The following GALNT17 variants were observed in gnomAD, a reference collection of about 807,000 sequenced individuals.
GALNT17 encodes the protein UDP-GalNAc:polypeptide N-acetylgalactosaminyltransferase-like 3.
A neutral mutation model predicts 63.7 loss-of-function variants in GALNT17; 29 were observed. The ratio of observed to expected loss-of-function variants is 0.46; its 90% CI spans 0.34 to 0.62. GALNT17 has a LOEUF of 0.62. Among genes scored for constraint, GALNT17 ranks in the 20% least tolerant of loss-of-function variants. The pLI is 0.01. For missense variants in GALNT17, 603 were observed against 799.6 expected (o/e 0.75, Z 2.97); for synonymous variants, 305 against 318.3 (o/e 0.96, Z 0.45).
chr7:71,291,982 A>G (rs1790987523), intron 1 of GALNT17, among the ~76,000 whole-genome samples: 2 of 151,724 alleles, frequency 1.3e-5, no homozygotes, highest in Non-Finnish European at 1.5e-5. Flanking sequence ...TTTATTTTTC[A>G]TGGTTTAATA....
chr7:71,649,235 G>GT (rs561455836), intron 6 of GALNT17, among the ~76,000 whole-genome samples: 11 of 152,166 alleles, frequency 7.2e-5, no homozygotes, highest in Non-Finnish European at 1.6e-4. Flanking sequence ...CCAGATCCAA[G>GT]TTTTGTGACC....
intron 2 of GALNT17, among the ~76,000 whole-genome samples, chr7:71,375,091 C>T (rs577111776): frequency 8.5e-5 from 13 of 152,088 alleles, no homozygotes; most frequent in East Asian, 5.9e-4. Flanking sequence ...CCACCCACCT[C>T]GGCCTCCCAA....
At chr7:71,471,114 A>G (rs540482282) in intron 5 of GALNT17, among the ~76,000 whole-genome samples, 12 of 150,994 alleles carry the variant, frequency 7.9e-5, no homozygotes, top group Non-Finnish European at 1.0e-4. Context: ...GTCTCACTCT[A>G]TTGTCCAGGC....
intron 5 of GALNT17, among the ~76,000 whole-genome samples, chr7:71,542,064 CAG>C (rs1346273089): frequency 7.9e-5 from 12 of 152,216 alleles, no homozygotes; most frequent in Middle Eastern, 3.4e-3. Flanking sequence ...GGGAATAAAA[CAG>C]GGATACGTTT....
chr7:71,320,010 T>C (rs991341021), intron 1 of GALNT17, among the ~76,000 whole-genome samples: 1 of 152,178 alleles, frequency 6.6e-6, no homozygotes, highest in Non-Finnish European at 1.5e-5. Context: ...ACATCCCTAG[T>C]ATTTTGTTGG....
chr7:71,346,340 G>GT (rs1792095789), intron 2 of GALNT17, among the ~76,000 whole-genome samples: 1 of 152,068 alleles, frequency 6.6e-6, no homozygotes, highest in African/African-American at 2.4e-5. Flanking sequence ...ATAATAATAA[G>GT]TAGCTGTATG....
chr7:71,696,235 C>T (rs1584144450), intron 9 of GALNT17, among the ~76,000 whole-genome samples: 1 of 151,924 alleles, frequency 6.6e-6, no homozygotes, highest in African/African-American at 2.4e-5. Flanking sequence ...GCCTCAGCCT[C>T]CCGAGTAGCT....
chr7:71,313,101 C>A (rs1437750987), intron 1 of GALNT17, among the ~76,000 whole-genome samples: 1 of 152,094 alleles, frequency 6.6e-6, no homozygotes, highest in Non-Finnish European at 1.5e-5. Context: ...CAGAGCGAGA[C>A]CCCGTATCTT....
chr7:71,190,051 T>C (rs1376601603), intron 1 of GALNT17, among the ~76,000 whole-genome samples: 1 of 152,120 alleles, frequency 6.6e-6, no homozygotes, highest in Non-Finnish European at 1.5e-5. Context: ...GACCTTGTGA[T>C]CTGCCCACCT....
At chr7:71,477,512 G>A (rs967320782) in intron 5 of GALNT17, among the ~76,000 whole-genome samples, 1 of 152,188 alleles carries the variant, frequency 6.6e-6, no homozygotes, top group Non-Finnish European at 1.5e-5. Flanking sequence ...ATGGAAAAAT[G>A]TGTGGTTTTC....
chr7:71,471,415 CA>C (rs944823914), intron 5 of GALNT17, among the ~76,000 whole-genome samples: 2 of 127,276 alleles, frequency 1.6e-5, no homozygotes, highest in East Asian at 4.3e-4. Context: ...AAAAAAAAAA[CA>C]AAAAAAACCA....
At chr7:71,191,594 T>G (rs1424957910) in intron 1 of GALNT17, among the ~76,000 whole-genome samples, 4 of 152,146 alleles carry the variant, frequency 2.6e-5, no homozygotes, top group Non-Finnish European at 5.9e-5. Flanking sequence ...CCAATACATG[T>G]TGTTTATCAG....
chr7:71,384,831 A>T (rs1402563950), intron 2 of GALNT17, among the ~76,000 whole-genome samples: 2 of 152,146 alleles, frequency 1.3e-5, no homozygotes, highest in Non-Finnish European at 2.9e-5. Context: ...GTTCTTGACC[A>T]TGCAAGTCTA....
At chr7:71,162,028 C>G (rs1378121734) in intron 1 of GALNT17, among the ~76,000 whole-genome samples, 1 of 145,672 alleles carries the variant, frequency 6.9e-6, no homozygotes, top group Non-Finnish European at 1.5e-5. Context: ...TTCCTTCTTT[C>G]TCTTTCCCTC....
At chr7:71,590,328 T>A (rs1789779887) in intron 6 of GALNT17, among the ~76,000 whole-genome samples, 1 of 152,224 alleles carries the variant, frequency 6.6e-6, no homozygotes. Flanking sequence ...GTTTGGAATT[T>A]CACTTGCCTG....
intron 1 of GALNT17, among the ~76,000 whole-genome samples, chr7:71,251,043 A>G (rs1472092299): frequency 2.6e-5 from 4 of 152,180 alleles, no homozygotes; most frequent in Admixed American, 2.6e-4. Context: ...TTATACTTTA[A>G]GTTCTAGGGT....
intron 5 of GALNT17, among the ~76,000 whole-genome samples, 179 bp from the exon 6 acceptor site, chr7:71,571,105 TA>T: frequency 6.6e-6 from 1 of 151,340 alleles, no homozygotes; most frequent in Admixed American, 6.6e-5. Flanking sequence ...CAGTACATGC[TA>T]GGCTGGAACC....
chr7:71,426,695 C>T (rs1786766811), intron 5 of GALNT17, among the ~76,000 whole-genome samples: 1 of 152,004 alleles, frequency 6.6e-6, no homozygotes, highest in African/African-American at 2.4e-5. Flanking sequence ...CCGAGGTGGG[C>T]TGATAACTGA....
intron 6 of GALNT17, among the ~76,000 whole-genome samples, chr7:71,634,735 C>T (rs1311732850): frequency 7.6e-6 from 1 of 131,248 alleles, no homozygotes. Context: ...GCCTGGGCGA[C>T]GGAGCGAGAC....
Sources: gnomAD v4.1 joint callset for allele counts (sites outside exome capture counted in the v4.1 genomes callset) on GRCh38, gnomAD v4.1.1 for gene constraint, MANE v1.5 for transcripts, NCBI Gene and HGNC (gene_info 2026-07-23, HGNC 2026-07-21) for gene names.